Variants in CFAP47 observed in about 807,000 individuals in gnomAD.
CFAP47 encodes cilia- and flagella-associated protein 47.
Under a neutral mutation model 148.1 loss-of-function variants are expected in CFAP47, and 29 were observed. The ratio of observed to expected loss-of-function variants is 0.20; its 90% CI spans 0.15 to 0.27. CFAP47 has a LOEUF of 0.27. Among genes scored for constraint, CFAP47 ranks in the 10% least tolerant of loss-of-function variants. The pLI is 1.00. For missense variants in CFAP47, 1,872 were observed against 1,697.5 expected (o/e 1.10, Z -1.81); for synonymous variants, 664 against 577.3 (o/e 1.15, Z -2.15).
At chrX:35,947,710 C>A (rs1303375836) in intron 3 of CFAP47, among the ~76,000 whole-genome samples, 5 of 110,930 alleles carry the variant, frequency 4.5e-5, no homozygotes, top group Non-Finnish European at 7.5e-5. Context: ...GCAAGCTAAT[C>A]TACCACAGTA....
At chrX:36,014,172 A>C (rs762447206) in intron 21 of CFAP47, among the ~76,000 whole-genome samples, 23 of 111,945 alleles carry the variant, frequency 2.1e-4, no homozygotes, top group African/African-American at 7.1e-4. Flanking sequence ...AGTATGAAAC[A>C]TCTTTCCATG....
At chrX:35,959,102 T>G (rs1176137128) in intron 8 of CFAP47, among the ~76,000 whole-genome samples, 2 of 112,571 alleles carry the variant, frequency 1.8e-5, no homozygotes, top group Admixed American at 1.9e-4. Context: ...ATTTTCATCC[T>G]GTGTTAGGCT....
chrX:35,975,745 C>T lies in CFAP47; in HGVS notation c.2545C>T (p.Leu849Phe), dbSNP rs748094553. 3 of 1,208,915 alleles carry T rather than the reference C, an allele frequency of 2.5e-6. No individual in the cohort carries two copies. Among genetic ancestry groups the T allele is most frequent in the Non-Finnish European group, 3.4e-6 (3 of 893,079 alleles). Reference sequence around the variant, plus strand: ...GGTGGCAGTTGTCCAGCCAGTAACACTTGAGCTATCTTCTAATGAGCTAGT... The same window carrying T: ...GGTGGCAGTTGTCCAGCCAGTAACATTTGAGCTATCTTCTAATGAGCTAGT... ...LVVAVVQPVT[L>F]ELSSNELVLR... Residue 849 changes from leucine (L) to phenylalanine (F), a missense_variant, in exon 15 of 64, where the codon CTT becomes TTT. By Grantham distance (22) the Leu-to-Phe change is conservative. Coordinates refer to ENST00000378653, the MANE Select transcript of CFAP47 (RefSeq NM_001304548.2).
intron 51 of CFAP47, among the ~76,000 whole-genome samples, chrX:36,297,121 C>T (rs868980505): frequency 1.8e-5 from 2 of 111,752 alleles, no homozygotes; most frequent in Middle Eastern, 4.6e-3. Flanking sequence ...CTGCTCTAAT[C>T]TAATTGTTAA....
chrX:36,372,073 T>C (rs1941976530), intron 62 of CFAP47, among the ~76,000 whole-genome samples: 1 of 107,162 alleles, frequency 9.3e-6, no homozygotes, highest in Non-Finnish European at 1.9e-5. Flanking sequence ...GCTAAATACA[T>C]ATAATTTAAG....
At chrX:36,018,130 G>A (rs997750614) in intron 22 of CFAP47, among the ~76,000 whole-genome samples, 4 of 111,411 alleles carry the variant, frequency 3.6e-5, no homozygotes, top group Non-Finnish European at 7.5e-5. Context: ...TATGGCTATT[G>A]TAAATGGGAA....
At chrX:36,125,715 T>G (rs991998810) in intron 33 of CFAP47, among the ~76,000 whole-genome samples, 11 of 94,484 alleles carry the variant, frequency 1.2e-4, no homozygotes, top group Non-Finnish European at 2.1e-4. Flanking sequence ...GAAACAACAG[T>G]GTTTGTGATA....
chrX:36,256,857 A>G (rs1298546192), intron 49 of CFAP47, among the ~76,000 whole-genome samples: 2 of 111,845 alleles, frequency 1.8e-5, no homozygotes, highest in Non-Finnish European at 3.8e-5. Flanking sequence ...TGAGTAGCAC[A>G]TATTCCAGAA....
chrX:36,261,994 C>T (rs930089380), intron 49 of CFAP47, among the ~76,000 whole-genome samples: 95 of 110,323 alleles, frequency 8.6e-4, no homozygotes, highest in Non-Finnish European at 1.5e-3. Context: ...GCTGGCCGGG[C>T]GGGGGCTGAC....
intron 37 of CFAP47, among the ~76,000 whole-genome samples, chrX:36,155,857 A>G (rs185408824): frequency 4.0e-4 from 45 of 111,397 alleles, no homozygotes; most frequent in Non-Finnish European, 7.2e-4. Context: ...ATTAAAATAT[A>G]TCAACACTAC....
intron 37 of CFAP47, among the ~76,000 whole-genome samples, chrX:36,155,674 C>T (rs998432204): frequency 2.7e-5 from 3 of 111,439 alleles, no homozygotes; most frequent in Non-Finnish European, 5.7e-5. Flanking sequence ...TGTAAAGGCT[C>T]TATGATCCAG....
chrX:36,082,136 A>C (rs772405239), intron 29 of CFAP47, among the ~76,000 whole-genome samples: 1 of 111,746 alleles, frequency 8.9e-6, no homozygotes, highest in Non-Finnish European at 1.9e-5. Context: ...TCACTGTACT[A>C]ATTTACCTTC....
At chrX:36,018,021 G>A (rs1349927838) in intron 22 of CFAP47, among the ~76,000 whole-genome samples, 4 of 109,578 alleles carry the variant, frequency 3.7e-5, no homozygotes, top group Non-Finnish European at 7.6e-5. Flanking sequence ...CCCTTTTTTT[G>A]GCGTCCTCTT....
At position 36,285,652 on chromosome X, in the gene CFAP47, T is replaced by C; in HGVS notation, c.7612T>C (p.Phe2538Leu). ...AGATGGTAATTTTAACAATTTAAGA[T>C]TCTGGTATAATCTTGAGATCCATAG... ...DTYGNFNNLR[F>L]WYNLEIHSTP... Residue 2538 changes from phenylalanine (F) to leucine (L), a missense_variant, in exon 51 of 64, where the codon TTC becomes CTC. Transcript: ENST00000378653. The C allele has an allele frequency of 9.9e-7, 1 of 1,011,330 alleles. No individual in the cohort carries two copies. The highest frequency in any genetic ancestry group is 1.4e-6 in the Non-Finnish European group (1 of 732,675). 83.3% of individuals were successfully genotyped at this position (1,011,330 alleles called of 1,213,427 possible).
chrX:36,247,970 T>C lies in CFAP47; in HGVS notation c.7333-3363T>C, dbSNP rs996783694. Among the ~76,000 whole-genome samples the C allele has an allele frequency of 3.6e-5, 4 of 110,559 alleles. No individual in the cohort carries two copies. The East Asian group carries it at 1.1e-3, about 31-fold the overall frequency. On this transcript the variant is annotated intron_variant, in intron 48 of 63. Transcript: ENST00000378653. ...AAACATATACCATGAACATAGTTTC[T>C]AAAATAGAGCCAAAGTGGCTGGAGT...
intron 51 of CFAP47, among the ~76,000 whole-genome samples, chrX:36,288,124 C>T (rs1941153021): frequency 8.9e-6 from 1 of 111,868 alleles, no homozygotes. Context: ...ATTTTTTCTA[C>T]AGATGAATGA....
intron 8 of CFAP47, among the ~76,000 whole-genome samples, chrX:35,959,748 G>A (rs76309694): frequency 0.075 from 7,920 of 105,897 alleles, 414 homozygotes; most frequent in East Asian, 0.3. Flanking sequence ...CGGAGGTTGC[G>A]CACGCTTGTA....
chrX:36,129,500 T>A (rs981627877), intron 33 of CFAP47, among the ~76,000 whole-genome samples: 4 of 111,301 alleles, frequency 3.6e-5, no homozygotes, highest in African/African-American at 9.7e-5. Context: ...TTATAATGAT[T>A]TAGAGTTCAC....
intron 46 of CFAP47, among the ~76,000 whole-genome samples, chrX:36,235,634 G>A (rs1007102530): frequency 5.7e-4 from 64 of 112,094 alleles, no homozygotes; most frequent in African/African-American, 2.0e-3. Context: ...ACTGTCCTGT[G>A]CCCACTGTCT....
Sources: gnomAD v4.1 joint callset for allele counts (sites outside exome capture counted in the v4.1 genomes callset) on GRCh38, gnomAD v4.1.1 for gene constraint, MANE v1.5 for transcripts, NCBI Gene and HGNC (gene_info 2026-07-23, HGNC 2026-07-21) for gene names.